Variants in RIC8B observed in about 807,000 individuals in gnomAD.
The protein encoded by RIC8B is RIC8 guanine nucleotide exchange factor B.
RIC8B carries 16 observed loss-of-function variants against 57.5 expected under a neutral mutation model. The ratio of observed to expected loss-of-function variants is 0.28; its 90% CI spans 0.19 to 0.42. RIC8B has a LOEUF of 0.42. RIC8B is among the 10% of genes least tolerant of loss of function. RIC8B has a pLI of 1.00. For missense variants in RIC8B, 481 were observed against 677.0 expected (o/e 0.71, Z 3.21); for synonymous variants, 216 against 250.8 (o/e 0.86, Z 1.31).
At chr12:106,812,579 C>G (rs1275044902) in intron 2 of RIC8B, among the ~76,000 whole-genome samples, 1 of 151,800 alleles carries the variant, frequency 6.6e-6, no homozygotes, top group Non-Finnish European at 1.5e-5. Flanking sequence ...ACATGTTTCT[C>G]AACTTAAGGA....
At chr12:106,864,982 A>G (rs538321338) in intron 8 of RIC8B, among the ~76,000 whole-genome samples, 6 of 152,194 alleles carry the variant, frequency 3.9e-5, no homozygotes, top group Admixed American at 2.6e-4. Context: ...GTTGTGGCAC[A>G]TGTCAAAGTT....
chr12:106,811,524 T>C (rs561956039), intron 2 of RIC8B, among the ~76,000 whole-genome samples: 3 of 152,326 alleles, frequency 2.0e-5, no homozygotes, highest in South Asian at 2.1e-4. Context: ...GAGTCCACTC[T>C]AGGATTTCAG....
chr12:106,842,084 T>C (rs916662419), intron 4 of RIC8B, among the ~76,000 whole-genome samples: 1 of 152,250 alleles, frequency 6.6e-6, no homozygotes, highest in Non-Finnish European at 1.5e-5. Flanking sequence ...ATTTTTAAAT[T>C]GTATTTTCTA....
At chr12:106,817,904 C>A (rs2045652261) in intron 3 of RIC8B, among the ~76,000 whole-genome samples, 1 of 151,084 alleles carries the variant, frequency 6.6e-6, no homozygotes, top group Admixed American at 6.6e-5. Flanking sequence ...ATTTTAATAT[C>A]TGCTTGATTG....
In RIC8B at chr12:106,842,764, A is replaced by G. The variant is rs763011740; in HGVS notation, c.1012A>G (p.Asn338Asp). ...KNNTMVYNGM[N>D]MEAIHVLLNF... ...CAATACCATGGTATACAATGGTATG[A>G]ATATGGAGGCCATTCATGTTTTACT... The change falls in exon 5 of 10, where the codon AAT (asparagine) becomes GAT (aspartate). Residue 338 changes from asparagine to aspartate, a missense_variant. Physicochemically the swap from Asn to Asp is conservative, Grantham distance 23 (BLOSUM62 1). Transcript: ENST00000392837. 1.2e-6 allele frequency: 2 copies of G among 1,612,988 alleles called. No homozygotes were observed. Among genetic ancestry groups the G allele is most frequent in the East Asian group, 2.2e-5 (1 of 44,842 alleles).
At chr12:106,813,481 C>T (rs1365577695) in intron 2 of RIC8B, among the ~76,000 whole-genome samples, 2 of 152,080 alleles carry the variant, frequency 1.3e-5, no homozygotes, top group Non-Finnish European at 2.9e-5. Flanking sequence ...TGAGCCACTG[C>T]GTCCAGCCTT....
At chr12:106,803,880 A>G (rs1050920380) in intron 2 of RIC8B, among the ~76,000 whole-genome samples, 2 of 152,232 alleles carry the variant, frequency 1.3e-5, no homozygotes, top group Non-Finnish European at 2.9e-5. Context: ...GCAAAATTTT[A>G]GCTCTTACTG....
At chr12:106,878,442 T>A (rs925948783) in intron 9 of RIC8B, among the ~76,000 whole-genome samples, 42 of 152,162 alleles carry the variant, frequency 2.8e-4, no homozygotes, top group African/African-American at 1.0e-3. Context: ...ACGCCCAGAC[T>A]TTAAAAGAAC....
At chr12:106,874,742 A>AT (rs923417149) in intron 9 of RIC8B, among the ~76,000 whole-genome samples, 1 of 152,204 alleles carries the variant, frequency 6.6e-6, no homozygotes, top group African/African-American at 2.4e-5. Flanking sequence ...TCTCAACTAG[A>AT]TTTCCAAAGA....
chr12:106,814,297 A>G (rs1566073553), intron 2 of RIC8B, among the ~76,000 whole-genome samples: 1 of 152,224 alleles, frequency 6.6e-6, no homozygotes, highest in African/African-American at 2.4e-5. Flanking sequence ...ATGATTAAAT[A>G]TTATTAGATC....
At chr12:106,802,708 C>G (rs557768950) in intron 2 of RIC8B, among the ~76,000 whole-genome samples, 1 of 151,956 alleles carries the variant, frequency 6.6e-6, no homozygotes, top group Non-Finnish European at 1.5e-5. Context: ...TTGTGTATCA[C>G]TAGATACCAG....
Position 106,815,181 on chromosome 12 carries a change from T to C in RIC8B, c.618T>C (p.Asp206=). 6.2e-7 allele frequency: 1 copy of C among 1,614,208 alleles called. No homozygotes were observed. The highest frequency in any genetic ancestry group is 1.1e-5 in the South Asian group (1 of 91,082). The change falls in exon 3 of 10, where the codon GAT becomes GAC. Residue 206 remains aspartate, a synonymous_variant. Transcript: ENST00000392837. ...GTGCCTTTAGCATCAAGTGGACCGA[T>C]GAGTATGAATCGGCCATAGACCATA... ...LESAFSIKWT[D]EYESAIDHNG... is the part of the protein sequence containing the mutation.
In RIC8B at chr12:106,814,876, T is replaced by C; in HGVS notation, c.313T>C (p.Leu105=). Residue 105 remains leucine (L), a synonymous_variant, in exon 3 of 10, where the codon TTG becomes CTG. Coordinates refer to ENST00000392837, the MANE Select transcript of RIC8B (RefSeq NM_001330145.2). The part of the protein sequence containing the change: ...LAKLNELDDS[L]EKVSEFPVIV... Reference sequence around the variant, plus strand: ...CAAGCTAAATGAGTTAGATGATTCTTTGGAGAAAGTATCAGAGTTCCCAGT... The same window carrying C: ...CAAGCTAAATGAGTTAGATGATTCTCTGGAGAAAGTATCAGAGTTCCCAGT... 1.9e-6 allele frequency: 3 copies of C among 1,614,182 alleles called. No homozygotes were observed. Among genetic ancestry groups the C allele is most frequent in the Non-Finnish European group, 2.5e-6 (3 of 1,180,008 alleles).
intron 4 of RIC8B, among the ~76,000 whole-genome samples, chr12:106,828,703 C>G (rs1357589710): frequency 6.6e-6 from 1 of 152,218 alleles, no homozygotes; most frequent in African/African-American, 2.4e-5. Context: ...GCTGCCACCA[C>G]TGCCACTGTG....
chr12:106,842,558 A>G (rs1455471512), intron 4 of RIC8B, 31 bp from the exon 5 acceptor site: 1 of 1,539,956 alleles, frequency 6.5e-7, no homozygotes, highest in South Asian at 1.1e-5. Context: ...CAATCAAGTT[A>G]AAATATTGTA....
chr12:106,851,406 C>G (rs1158547294), intron 6 of RIC8B, 44 bp from the exon 7 acceptor site: 1 of 1,487,184 alleles, frequency 6.7e-7, no homozygotes, highest in Admixed American at 1.8e-5. Context: ...CTCACTCACT[C>G]TAGTAGCCTC....
chr12:106,869,187 G>GT (rs147001839), intron 8 of RIC8B, among the ~76,000 whole-genome samples: 2,401 of 152,256 alleles, frequency 0.016, 23 homozygotes, highest in African/African-American at 0.03. Context: ...GGCAAGATAG[G>GT]TTTTGAATCA....
intron 6 of RIC8B, among the ~76,000 whole-genome samples, chr12:106,847,390 A>G (rs765829978): frequency 1.3e-5 from 2 of 152,182 alleles, no homozygotes; most frequent in Non-Finnish European, 2.9e-5. Flanking sequence ...TCGAGGTACT[A>G]TAGACATATA....
intron 1 of RIC8B, among the ~76,000 whole-genome samples, chr12:106,777,190 G>A (rs952056364): frequency 6.6e-6 from 1 of 152,184 alleles, no homozygotes; most frequent in East Asian, 1.9e-4. Context: ...AATACTGACT[G>A]TAGTAGGGCC....
Sources: allele counts gnomAD v4.1 joint callset (sites outside exome capture counted in the v4.1 genomes callset), GRCh38; gene constraint gnomAD v4.1.1; transcripts MANE v1.5; gene names NCBI Gene and HGNC (gene_info 2026-07-23, HGNC 2026-07-21).